Variants in THOP1 observed in about 807,000 individuals in gnomAD.
THOP1 encodes thimet oligopeptidase.
Under a neutral mutation model 71.8 loss-of-function variants are expected in THOP1, and 49 were observed. The observed-to-expected ratio is 0.68, with a 90% CI of 0.54 to 0.87. The LOEUF (loss-of-function observed/expected upper bound fraction) is 0.87. THOP1 is among the 40% of genes least tolerant of loss of function. The probability of loss-of-function intolerance (pLI) is 0.00; values close to 1 mark genes in which losing one functional copy is unlikely to be tolerated. For synonymous variants in THOP1, 426 were observed against 421.5 expected, an observed-to-expected ratio of 1.01 and a Z score of -0.13; for missense variants, 843 against 975.6, an observed-to-expected ratio of 0.86 and a Z score of 1.81.
At chr19:2,798,718 C>A (rs1302377835) in intron 4 of THOP1, among the ~76,000 whole-genome samples, 1 of 152,384 alleles carries the variant, frequency 6.6e-6, no homozygotes, top group Non-Finnish European at 1.5e-5. Flanking sequence ...CCTGCAAAGT[C>A]CTGGGCACAG....
chr19:2,803,687 C>T (rs1916214492), intron 5 of THOP1, among the ~76,000 whole-genome samples: 1 of 152,158 alleles, frequency 6.6e-6, no homozygotes, highest in Non-Finnish European at 1.5e-5. Flanking sequence ...CGGGAGGCCT[C>T]CCCCTCATGC....
chr19:2,808,302 A>C lies in THOP1; in HGVS notation c.1313A>C (p.Asp438Ala). ...FGLQPGCLRQ[D>A]GSRQIAIAAM... ...CTGCAGCCCGGCTGCCTGCGGCAGG[A>C]TGGGAGCCGCCAGATCGCCATCGCG... The change falls in exon 9 of 13, where the codon GAT becomes GCT. Residue 438 changes from aspartate (D) to alanine (A), a missense_variant. By Grantham distance (126) the Asp-to-Ala change is moderately radical. Coordinates refer to ENST00000307741, the MANE Select transcript of THOP1 (RefSeq NM_003249.5). 6.3e-7 allele frequency: 1 copy of C among 1,575,480 alleles called. No individual in the cohort carries two copies. Among genetic ancestry groups the C allele is most frequent in the Non-Finnish European group, 8.6e-7 (1 of 1,161,228 alleles).
At chr19:2,812,886 G>A (rs1916515568) in intron 12 of THOP1, among the ~76,000 whole-genome samples, 2 of 152,174 alleles carry the variant, frequency 1.3e-5, no homozygotes, top group African/African-American at 4.8e-5. Context: ...CGGGAGTTTG[G>A]GGAGTTCGGG....
chr19:2,807,464 G>A lies in THOP1; in HGVS notation c.909G>A (p.Lys303=), dbSNP rs746050412. The A allele has an allele frequency of 6.3e-7, 1 of 1,597,662 alleles. No homozygotes were observed. The highest frequency in any genetic ancestry group is 1.7e-5 in the Admixed American group (1 of 59,336). The part of the protein sequence containing the change: ...TFLDELAQKL[K]PLGEQERAVI... ...CAGATGAGCTGGCGCAGAAGCTGAA[G>A]CCCCTGGGGGAGCAGGAGCGTGCGG... The change falls in exon 8 of 13, where the codon AAG becomes AAA. Residue 303 remains lysine, a synonymous_variant. Coordinates refer to ENST00000307741, the MANE Select transcript of THOP1 (RefSeq NM_003249.5).
At chr19:2,799,568 C>G (rs975350030) in intron 4 of THOP1, 121 bp from the exon 5 acceptor site, 11 of 778,058 alleles carry the variant, frequency 1.4e-5, no homozygotes, top group Non-Finnish European at 2.3e-5. Context: ...GTTGCCTCTT[C>G]TTTCGGCCTG....
chr19:2,805,367 C>A lies in THOP1; in HGVS notation c.750+191C>A, dbSNP rs1346426035. On this transcript the variant is annotated intron_variant, in intron 6 of 12. Transcript: ENST00000307741. This position sits in a 1 kb window ranked among gnomAD's most constrained non-coding sequence, Gnocchi z 6.6. Reference sequence around the variant, plus strand: ...GCCCTGGAGGTGTCTGTGCTGGGCTCCACCCAGACCCTGGGGCCACAGCTC... The same window carrying A: ...GCCCTGGAGGTGTCTGTGCTGGGCTACACCCAGACCCTGGGGCCACAGCTC... Among the ~76,000 whole-genome samples the A allele has an allele frequency of 6.6e-6, 1 of 152,204 alleles. No homozygotes were observed. The highest frequency in any genetic ancestry group is 2.4e-5 in the African/African-American group (1 of 41,450).
rs1916254452 is a variant in THOP1 at position 2,804,993 on chromosome 19, C to G, written c.590-23C>G. 2 of 1,603,318 alleles carry G rather than the reference C, an allele frequency of 1.2e-6. No homozygotes were observed. The highest frequency in any genetic ancestry group is 4.5e-5 in the East Asian group (2 of 44,664). ...TGTGGGCCCATCAGTCCTGTCAAAGCCACCCTGGTTCTGTCCCCATAGGAG... is the reference window on the plus strand; with the variant it reads ...TGTGGGCCCATCAGTCCTGTCAAAGGCACCCTGGTTCTGTCCCCATAGGAG... On this transcript the variant is annotated intron_variant, in intron 5 of 12. Transcript: ENST00000307741. The surrounding 1 kb of genome is among the most constrained non-coding windows in gnomAD (Gnocchi z 4.7).
intron 2 of THOP1, among the ~76,000 whole-genome samples, chr19:2,791,302 G>A (rs576671812): frequency 6.6e-6 from 1 of 152,362 alleles, no homozygotes; most frequent in African/African-American, 2.4e-5. Context: ...AGTCTCCGCA[G>A]AGAGCTCTGA....
chr19:2,800,620 T>C (rs1916122981), intron 5 of THOP1, among the ~76,000 whole-genome samples: 1 of 152,250 alleles, frequency 6.6e-6, no homozygotes, highest in African/African-American at 2.4e-5. Flanking sequence ...TGTGGTCACC[T>C]GGGCGTATGT....
intron 3 of THOP1, among the ~76,000 whole-genome samples, chr19:2,795,342 G>A (rs1915989071): frequency 6.6e-6 from 1 of 152,374 alleles, no homozygotes; most frequent in Non-Finnish European, 1.5e-5. Context: ...AGCTGGCAGG[G>A]CCTGGCGGCA....
In THOP1 at chr19:2,810,389, A is replaced by G; in HGVS notation, c.1541A>G (p.Glu514Gly). Reference sequence around the variant, plus strand: ...CAGATGCTGGAGAACTGGGTGTGGGAGCAGGAGCCGCTGCTGCGGATGTCG... The same window carrying G: ...CAGATGCTGGAGAACTGGGTGTGGGGGCAGGAGCCGCTGCTGCGGATGTCG... The part of the protein sequence containing the change: ...PSQMLENWVW[E>G]QEPLLRMSRH... The change falls in exon 10 of 13, where the codon GAG becomes GGG. Residue 514 changes from glutamate (E) to glycine (G), a missense_variant. Transcript: ENST00000307741. 2.5e-6 allele frequency: 4 copies of G among 1,610,614 alleles called. No individual in the cohort carries two copies. The highest frequency in any genetic ancestry group is 3.4e-6 in the Non-Finnish European group (4 of 1,179,642).
At chr19:2,803,317 A>G (rs1916203128) in intron 5 of THOP1, among the ~76,000 whole-genome samples, 1 of 152,176 alleles carries the variant, frequency 6.6e-6, no homozygotes, top group Non-Finnish European at 1.5e-5. Flanking sequence ...CAAATCCACA[A>G]GTGCAGCGGG....
In THOP1 at chr19:2,790,588, G is replaced by A. The variant is rs541345001; in HGVS notation, c.184G>A (p.Glu62Lys). ...CCAGGAGTTTGAGGACGTGTCCTAC[G>A]AGAGCACGCTCAAGGCGCTGGCCGA... ...GTQEFEDVSY[E>K]STLKALADVE... The change falls in exon 2 of 13, where the codon GAG becomes AAG. Residue 62 changes from glutamate (E) to lysine (K), a missense_variant. Physicochemically the swap from Glu to Lys is moderately conservative, Grantham distance 56 (BLOSUM62 1). Coordinates refer to ENST00000307741, the MANE Select transcript of THOP1 (RefSeq NM_003249.5). 1.2e-4 allele frequency: 191 copies of A among 1,600,908 alleles called. 2 individuals are homozygous for A. In the South Asian group the frequency reaches 2.0e-3, roughly 17 times the overall value.
rs956229674 is a variant in THOP1 at position 2,810,564 on chromosome 19, G to A, written c.1642+74G>A. The A allele has an allele frequency of 3.3e-5, 50 of 1,525,682 alleles. No homozygotes were observed. The Admixed American group carries it at 3.8e-4, about 12-fold the overall frequency. The allele number at this position is 1,525,682 out of a possible 1,614,324, so 94.5% of individuals were successfully genotyped here. ...ACAGCTGGGGCCTGGCATGTGCCCC[G>A]GGTGGGGGTCGGAGCTCTGGGCAGA... On this transcript the variant is annotated intron_variant, in intron 10 of 12. Transcript: ENST00000307741.
At chr19:2,807,371 G>A (rs905811712) in intron 7 of THOP1, 71 bp from the exon 8 acceptor site, 32 of 1,485,796 alleles carry the variant, frequency 2.2e-5, no homozygotes, top group South Asian at 1.1e-4. Flanking sequence ...AGTCGCGGCC[G>A]CGGGCGGGCG....
In THOP1 at chr19:2,794,784, T is replaced by G. The variant is rs1321353160; in HGVS notation, c.250T>G (p.Phe84Val). The G allele has an allele frequency of 6.2e-7, 1 of 1,613,640 alleles. No homozygotes were observed. The highest frequency in any genetic ancestry group is 1.1e-5 in the South Asian group (1 of 91,072). The change falls in exon 3 of 13, where the codon TTC becomes GTC. Residue 84 changes from phenylalanine to valine, a missense_variant. Coordinates refer to ENST00000307741, the MANE Select transcript of THOP1 (RefSeq NM_003249.5). The stretch of plus-strand genomic sequence containing the variant: ...TTTAGTTCAGAGGAATATCCTTGAC[T>G]TCCCCCAGCATGTTTCCCCCTCCAA... ...TYTVQRNILD[F>V]PQHVSPSKDI...
At position 2,810,770 on chromosome 19, in the gene THOP1, T is replaced by C. The variant is rs749180196; in HGVS notation, c.1771+2T>C. The C allele has an allele frequency of 1.9e-6, 3 of 1,601,992 alleles. No individual in the cohort carries two copies. Among genetic ancestry groups the C allele is most frequent in the Non-Finnish European group, 2.5e-6 (3 of 1,177,140 alleles). ...TCCTCGGGGTCCCGGCCACGCCAGGTAGCCACCCTTGAGCCGGGCACACCC... is the reference window on the plus strand; with the variant it reads ...TCCTCGGGGTCCCGGCCACGCCAGGCAGCCACCCTTGAGCCGGGCACACCC... On this transcript the variant is annotated splice_donor_variant, in intron 11 of 12. Coordinates refer to ENST00000307741, the MANE Select transcript of THOP1 (RefSeq NM_003249.5). LOFTEE classifies it high-confidence loss of function.
chr19:2,785,625 G>T lies in THOP1; in HGVS notation c.-38G>T. The T allele has an allele frequency of 2.1e-5, 31 of 1,507,002 alleles. No homozygotes were observed. The highest frequency in any genetic ancestry group is 2.7e-5 in the Non-Finnish European group (31 of 1,129,018). The allele number at this position is 1,507,002 out of a possible 1,614,324, so 93.4% of individuals were successfully genotyped here. Reference sequence around the variant, plus strand: ...GAGGTGGCTGGACGCGTAGCAGGTGGAAGGAGGGAGGGAGCCGCAGGCGCA... The same window carrying T: ...GAGGTGGCTGGACGCGTAGCAGGTGTAAGGAGGGAGGGAGCCGCAGGCGCA... On this transcript the variant is annotated 5_prime_UTR_variant, in exon 1 of 13. Coordinates refer to ENST00000307741, the MANE Select transcript of THOP1 (RefSeq NM_003249.5).
intron 8 of THOP1, 178 bp from the exon 9 acceptor site, chr19:2,808,065 G>C (rs1179476754): frequency 1.2e-6 from 1 of 822,734 alleles, no homozygotes; most frequent in African/African-American, 1.7e-5. Flanking sequence ...GGCAGCCGGG[G>C]CCTGGCCGTG....
Sources: gnomAD v4.1 joint callset for allele counts (sites outside exome capture counted in the v4.1 genomes callset) on GRCh38, gnomAD v4.1.1 for gene constraint, Gnocchi (gnomAD v3.1) non-coding constraint, MANE v1.5 for transcripts, NCBI Gene and HGNC (gene_info 2026-07-23, HGNC 2026-07-21) for gene names.